Variants in HEYL observed in about 807,000 individuals in gnomAD.
HEYL encodes the protein hes related family bHLH transcription factor with YRPW motif like, also known as hairy/enhancer-of-split related with YRPW motif-like protein.
A neutral mutation model predicts 18.6 loss-of-function variants in HEYL; 12 were observed. That is an observed-to-expected ratio of 0.65 (90% CI 0.41 to 1.05). The LOEUF (loss-of-function observed/expected upper bound fraction) is 1.05. Among genes scored for constraint, HEYL ranks in the 50% least tolerant of loss-of-function variants. HEYL has a pLI of 0.00. For missense variants in HEYL, 420 were observed against 444.7 expected (o/e 0.94, Z 0.50); for synonymous variants, 159 against 179.6 (o/e 0.89, Z 0.91).
chr1:39,631,630 A>G, intron 2 of HEYL, 51 bp from the exon 3 acceptor site: 1 of 1,487,102 alleles, frequency 6.7e-7, no homozygotes, highest in South Asian at 1.1e-5. Context: ...CACAGTTTCC[A>G]AAGTGCCTTG....
Position 39,627,122 on chromosome 1 carries a change from G to T in HEYL, c.372C>A (p.Cys124Ter). The stretch of plus-strand genomic sequence containing the variant: ...CCAGGTACCTGATGACCTCAGTGAG[G>T]CACTCCCGAAAACCAATGCTCCGGA... ...VDFRSIGFRECLTEVIRYLGV... is the reference protein window; with the variant it reads ...VDFRSIGFRE The change falls in exon 5 of 5, where the codon TGC becomes TGA. Residue 124 changes from cysteine (C) to a stop codon, truncating the protein, a stop_gained. Coordinates refer to ENST00000372852, the MANE Select transcript of HEYL (RefSeq NM_014571.4). LOFTEE classifies it low-confidence loss of function (END_TRUNC). The T allele has an allele frequency of 6.2e-7, 1 of 1,614,046 alleles. No homozygotes were observed. The highest frequency in any genetic ancestry group is 8.5e-7 in the Non-Finnish European group (1 of 1,179,956).
At chr1:39,637,574 G>A (rs898931558) in intron 1 of HEYL, among the ~76,000 whole-genome samples, 3 of 152,210 alleles carry the variant, frequency 2.0e-5, no homozygotes, top group African/African-American at 7.2e-5. Context: ...TCTGCTGGGG[G>A]AAGGGCCCTT....
chr1:39,632,649 C>A lies in HEYL; in HGVS notation c.147G>T (p.Gly49=). 1 of 1,613,424 alleles carries A rather than the reference C, an allele frequency of 6.2e-7. No individual in the cohort carries two copies. The highest frequency in any genetic ancestry group is 2.2e-5 in the East Asian group (1 of 44,800). Residue 49 remains glycine (G), a splice_region_variant and synonymous_variant, in exon 2 of 5, where the codon GGG becomes GGT. Coordinates refer to ENST00000372852, the MANE Select transcript of HEYL (RefSeq NM_014571.4). ...SQMQARKKHR[G]IIEKRRRDRI... is the part of the protein sequence containing the mutation. ...CTCAGAGGCTGAGACGGACACTCAC[C>A]CCTCTGTGTTTCTTCCTGGCTTGCA... is the stretch of plus-strand genomic sequence containing the variant.
chr1:39,638,530 A>G (rs2124125136), intron 1 of HEYL, among the ~76,000 whole-genome samples: 3 of 152,354 alleles, frequency 2.0e-5, no homozygotes, highest in Admixed American at 2.0e-4. Flanking sequence ...ATGAGCCAAG[A>G]GAGATGAAGT....
At chr1:39,633,145 G>C in intron 1 of HEYL, 1 of 983,246 alleles carries the variant, frequency 1.0e-6, no homozygotes, top group Non-Finnish European at 1.2e-6. Flanking sequence ...CCCACGGGCC[G>C]GGCGCGCCGG....
chr1:39,638,845 C>G (rs916195148), intron 1 of HEYL, among the ~76,000 whole-genome samples: 4 of 152,330 alleles, frequency 2.6e-5, no homozygotes, highest in Middle Eastern at 3.4e-3. Context: ...GAAACTGAAG[C>G]TTAGACAGTT....
intron 2 of HEYL, 102 bp downstream of exon 2, chr1:39,632,545 GCT>G: frequency 9.8e-7 from 1 of 1,022,392 alleles, no homozygotes; most frequent in Non-Finnish European, 1.5e-6. Context: ...CAAGCAGTTA[GCT>G]TCATGGTGAA....
intron 1 of HEYL, among the ~76,000 whole-genome samples, chr1:39,635,786 C>G (rs751418290): frequency 6.6e-6 from 1 of 152,208 alleles, no homozygotes; most frequent in Non-Finnish European, 1.5e-5. Flanking sequence ...GAATAGCCCT[C>G]CGGTCCCCTT....
At position 39,632,654 on chromosome 1, in the gene HEYL, T is replaced by C; in HGVS notation, c.142A>G (p.Arg48Gly). The change falls in exon 2 of 5, where the codon AGA becomes GGA. Residue 48 changes from arginine to glycine, a missense_variant. Physicochemically the swap from Arg to Gly is moderately radical, Grantham distance 125. Coordinates refer to ENST00000372852, the MANE Select transcript of HEYL (RefSeq NM_014571.4). ...SSQMQARKKH[R>G]GIIEKRRRDR... ...AGGCTGAGACGGACACTCACCCCTC[T>C]GTGTTTCTTCCTGGCTTGCATCTGC... 6.2e-7 allele frequency: 1 copy of C among 1,613,656 alleles called. No individual in the cohort carries two copies. The highest frequency in any genetic ancestry group is 8.5e-7 in the Non-Finnish European group (1 of 1,179,716).
At chr1:39,636,501 C>T (rs975718237) in intron 1 of HEYL, among the ~76,000 whole-genome samples, 6 of 152,080 alleles carry the variant, frequency 3.9e-5, no homozygotes, top group African/African-American at 1.2e-4. Flanking sequence ...CTCTTGACCT[C>T]GTGATCCACC....
At chr1:39,638,464 G>A (rs1473362395) in intron 1 of HEYL, among the ~76,000 whole-genome samples, 1 of 152,158 alleles carries the variant, frequency 6.6e-6, no homozygotes, top group African/African-American at 2.4e-5. Flanking sequence ...CAAAAAGAAA[G>A]AAAGAAAGAA....
intron 4 of HEYL, among the ~76,000 whole-genome samples, chr1:39,629,333 A>ATT (rs201686052): frequency 1.3e-5 from 2 of 151,968 alleles, no homozygotes; most frequent in African/African-American, 4.8e-5. Context: ...TTAGCAATGC[A>ATT]TTTTTTTTGG....
intron 1 of HEYL, among the ~76,000 whole-genome samples, chr1:39,638,904 G>C (rs570396522): frequency 6.6e-6 from 1 of 152,332 alleles, no homozygotes; most frequent in African/African-American, 2.4e-5. Flanking sequence ...TTGTTCGACA[G>C]GTTTGAAGCA....
In HEYL at chr1:39,626,850, G is replaced by T; in HGVS notation, c.644C>A (p.Pro215Gln). 3 of 1,584,276 alleles carry T rather than the reference G, an allele frequency of 1.9e-6. No homozygotes were observed. In the South Asian group the frequency reaches 3.4e-5, roughly 18 times the overall value. The change falls in exon 5 of 5, where the codon CCA (proline) becomes CAA (glutamine). Residue 215 changes from proline to glutamine, a missense_variant. Physicochemically the swap from Pro to Gln is moderately conservative, Grantham distance 76 (BLOSUM62 -1). Transcript: ENST00000372852. ...PGVSSPAYPI[P>Q]ALRTAPLRRA... ...GCGAAGGGGAGCGGTTCGGAGGGCT[G>T]GGATGGGGTAAGCAGGAGAGGAGAC... is the stretch of plus-strand genomic sequence containing the variant.
At chr1:39,630,393 C>T (rs1646326379) in intron 3 of HEYL, 85 bp from the exon 4 acceptor site, 1 of 1,043,228 alleles carries the variant, frequency 9.6e-7, no homozygotes, top group Non-Finnish European at 1.5e-6. Flanking sequence ...TCTCGATTTT[C>T]TCACCTTCCT....
intron 4 of HEYL, among the ~76,000 whole-genome samples, chr1:39,629,029 A>C (rs1646317859): frequency 6.6e-6 from 1 of 152,216 alleles, no homozygotes; most frequent in East Asian, 1.9e-4. Context: ...GGAGAGGTTA[A>C]ATCATTTGTC....
intron 1 of HEYL, among the ~76,000 whole-genome samples, chr1:39,634,237 G>A (rs1646351221): frequency 6.6e-6 from 1 of 152,164 alleles, no homozygotes; most frequent in African/African-American, 2.4e-5. Context: ...TGGGATTACA[G>A]GCACCCACCA....
chr1:39,631,327 C>G (rs1640646373), intron 3 of HEYL, among the ~76,000 whole-genome samples, 169 bp downstream of exon 3: 1 of 152,186 alleles, frequency 6.6e-6, no homozygotes, highest in African/African-American at 2.4e-5. Flanking sequence ...ACACCTGAGA[C>G]ACCTAAGTAT....
intron 2 of HEYL, 48 bp downstream of exon 2, chr1:39,632,601 C>A (rs766191181): frequency 3.9e-6 from 6 of 1,544,718 alleles, no homozygotes; most frequent in South Asian, 1.2e-5. Flanking sequence ...GCAGGGGATT[C>A]ATGGCAACCC....
Sources: gnomAD v4.1 joint callset for allele counts (sites outside exome capture counted in the v4.1 genomes callset) on GRCh38, gnomAD v4.1.1 for gene constraint, MANE v1.5 for transcripts, NCBI Gene and HGNC (gene_info 2026-07-23, HGNC 2026-07-21) for gene names.